REN: variants seen among roughly 807,000 people sequenced by gnomAD.
REN encodes angiotensin-forming enzyme.
Under a neutral mutation model 48.6 loss-of-function variants are expected in REN, and 42 were observed. That is an observed-to-expected ratio of 0.86 (90% CI 0.68 to 1.12). REN has a LOEUF of 1.12. Among genes scored for constraint, REN ranks in the 50% most tolerant of loss-of-function variants. REN has a pLI of 0.00. For missense variants in REN, 443 were observed against 527.3 expected (o/e 0.84, Z 1.57); for synonymous variants, 196 against 204.6 (o/e 0.96, Z 0.36).
chr1:204,160,189 T>G (rs1339280931), intron 4 of REN, among the ~76,000 whole-genome samples: 1 of 152,162 alleles, frequency 6.6e-6, no homozygotes, highest in Non-Finnish European at 1.5e-5. Flanking sequence ...CCTTAAAACC[T>G]ATGCCTGACC....
chr1:204,163,343 A>G (rs1658283593), intron 1 of REN, among the ~76,000 whole-genome samples: 1 of 152,204 alleles, frequency 6.6e-6, no homozygotes, highest in African/African-American at 2.4e-5. Context: ...TGGTATTGTA[A>G]CAGAAATGAT....
At chr1:204,158,333 T>G (rs1658186540) in intron 5 of REN, among the ~76,000 whole-genome samples, 1 of 152,074 alleles carries the variant, frequency 6.6e-6, no homozygotes, top group Non-Finnish European at 1.5e-5. Context: ...TCCTCTCCAT[T>G]TTACTGTGAG....
At position 204,156,908 on chromosome 1, in the gene REN, A is replaced by C; in HGVS notation, c.699-112T>G. ...AGGGGAGGACAGAGGGCTCTAGAGC[A>C]GAGGAATGTGGGACAGACAGCCAGG... is the stretch of plus-strand genomic sequence containing the variant. On this transcript the variant is annotated intron_variant, in intron 6 of 9. Transcript: ENST00000272190. The surrounding 1 kb of genome is among the most constrained non-coding windows in gnomAD (Gnocchi z 4.2). 1 of 1,370,014 alleles carries C rather than the reference A, an allele frequency of 7.3e-7. No individual in the cohort carries two copies. Among genetic ancestry groups the C allele is most frequent in the South Asian group, 1.2e-5 (1 of 85,860 alleles). The allele number at this position is 1,370,014 out of a possible 1,614,324, so 84.9% of individuals were successfully genotyped here.
chr1:204,161,239 T>A, intron 3 of REN, 53 bp downstream of exon 3: 8 of 1,539,452 alleles, frequency 5.2e-6, no homozygotes. Context: ...GGATTGCTCA[T>A]GCACAGTAGG....
At chr1:204,163,088 C>A (rs969052519) in intron 1 of REN, among the ~76,000 whole-genome samples, 2 of 152,220 alleles carry the variant, frequency 1.3e-5, no homozygotes, top group Non-Finnish European at 2.9e-5. Flanking sequence ...ATAAAGGCTG[C>A]CAAAGCCCAG....
intron 3 of REN, 39 bp downstream of exon 3, chr1:204,161,253 G>A: frequency 6.4e-7 from 1 of 1,562,304 alleles, no homozygotes; most frequent in Middle Eastern, 1.7e-4. Context: ...CAGTAGGGCA[G>A]GGGGATGGAG....
intron 1 of REN, among the ~76,000 whole-genome samples, chr1:204,164,695 C>T (rs185515286): frequency 8.6e-5 from 13 of 151,540 alleles, no homozygotes; most frequent in East Asian, 3.9e-4. Flanking sequence ...CTCAGCCTCC[C>T]GAGTAGCTGG....
intron 9 of REN, 80 bp from the exon 10 acceptor site, chr1:204,155,257 C>T: frequency 6.6e-7 from 1 of 1,523,338 alleles, no homozygotes; most frequent in Non-Finnish European, 9.1e-7. Flanking sequence ...CAGCAACTGT[C>T]TTCAGCAACA....
intron 1 of REN, among the ~76,000 whole-genome samples, chr1:204,165,525 A>G (rs540875437): frequency 6.6e-6 from 1 of 152,204 alleles, no homozygotes; most frequent in African/African-American, 2.4e-5. Flanking sequence ...CTAACTCTAT[A>G]AGCCTTGCAT....
rs1219073348 is a variant in REN at position 204,157,387 on chromosome 1, C to T, written c.690-18G>A. The T allele has an allele frequency of 6.2e-7, 1 of 1,614,236 alleles. No individual in the cohort carries two copies. Among genetic ancestry groups the T allele is most frequent in the South Asian group, 1.1e-5 (1 of 91,088 alleles). On this transcript the variant is annotated intron_variant, in intron 5 of 9. Transcript: ENST00000272190. ...CGGAATCTCTGCAGAGAAAGAGAGA[C>T]AGCAGAAAGGAAGCTTCATTTCATG...
Position 204,160,613 on chromosome 1 carries a change from G to T in REN, c.439C>A (p.Leu147Ile), listed in dbSNP as rs1658227171. The T allele has an allele frequency of 1.2e-6, 2 of 1,614,118 alleles. No homozygotes were observed. The highest frequency in any genetic ancestry group is 1.7e-6 in the Non-Finnish European group (2 of 1,180,024). Residue 147 changes from leucine (L) to isoleucine (I), a missense_variant, in exon 4 of 10, where the codon CTC becomes ATC. Physicochemically the swap from Leu to Ile is conservative, Grantham distance 5 (BLOSUM62 2). Coordinates refer to ENST00000272190, the MANE Select transcript of REN (RefSeq NM_000537.4). ...CTGACTGTCCCTGTTGAATAGCGGAGGGTGAGTTCTGTTCCATTGTGCTTG... is the reference window on the plus strand; with the variant it reads ...CTGACTGTCCCTGTTGAATAGCGGATGGTGAGTTCTGTTCCATTGTGCTTG... ...SYKHNGTELT[L>I]RYSTGTVSGF... is the part of the protein sequence containing the mutation.
At chr1:204,157,411 TG>T (rs778022465) in intron 5 of REN, 42 bp from the exon 6 acceptor site, 52 of 1,614,046 alleles carry the variant, frequency 3.2e-5, no homozygotes, top group Non-Finnish European at 4.1e-5. Context: ...CTTCATTTCA[TG>T]CCAGCCTCAT....
At chr1:204,155,278 C>T (rs1658128738) in intron 9 of REN, 101 bp from the exon 10 acceptor site, 5 of 1,381,936 alleles carry the variant, frequency 3.6e-6, no homozygotes, top group South Asian at 3.6e-5. Context: ...TTCCCCCTCT[C>T]GCCCCCATCT....
chr1:204,162,678 G>A (rs561952177), intron 1 of REN, among the ~76,000 whole-genome samples: 17 of 152,312 alleles, frequency 1.1e-4, no homozygotes, highest in South Asian at 6.2e-4. Context: ...CCGCTAGGTG[G>A]CAGCAGATGC....
intron 4 of REN, among the ~76,000 whole-genome samples, chr1:204,160,194 C>T (rs1464473580): frequency 1.3e-5 from 2 of 152,220 alleles, no homozygotes; most frequent in Admixed American, 1.3e-4. Flanking sequence ...AAACCTATGC[C>T]TGACCCTAAA....
intron 1 of REN, among the ~76,000 whole-genome samples, chr1:204,164,812 C>T (rs1658315383): frequency 6.6e-6 from 1 of 151,976 alleles, no homozygotes; most frequent in Non-Finnish European, 1.5e-5. Context: ...AAGCGATCTG[C>T]CCACCTCAGC....
chr1:204,164,944 T>C (rs1386979896), intron 1 of REN, among the ~76,000 whole-genome samples: 1 of 151,972 alleles, frequency 6.6e-6, no homozygotes, highest in Admixed American at 6.6e-5. Context: ...CTCCTTCTAA[T>C]TGTGGGCTAC....
intron 9 of REN, 34 bp downstream of exon 9, chr1:204,155,786 T>A (rs1658135792): frequency 6.7e-7 from 1 of 1,495,856 alleles, no homozygotes; most frequent in African/African-American, 1.4e-5. Context: ...CCAGCCTTTC[T>A]CCCTGCCACC....
At position 204,154,876 on chromosome 1, in the gene REN, G is replaced by T. The variant is rs986532342; in HGVS notation, c.*140C>A. 12 of 933,090 alleles carry T rather than the reference G, an allele frequency of 1.3e-5. No individual in the cohort carries two copies. Among genetic ancestry groups the T allele is most frequent in the Non-Finnish European group, 2.0e-5 (12 of 596,100 alleles). 57.8% of individuals were successfully genotyped at this position (933,090 alleles called of 1,614,324 possible). A position where few individuals can be genotyped will look rare whatever the true frequency, so the allele number is the denominator to read the frequency against. ...CAAAGCAGGGAAGGGCTGGTGCAGG[G>T]GTCAGGGCACGCATCCAGCAGGAGC... On this transcript the variant is annotated 3_prime_UTR_variant, in exon 10 of 10. Transcript: ENST00000272190.
Sources: gnomAD v4.1 joint callset for allele counts (sites outside exome capture counted in the v4.1 genomes callset) on GRCh38, gnomAD v4.1.1 for gene constraint, Gnocchi (gnomAD v3.1) non-coding constraint, MANE v1.5 for transcripts, NCBI Gene and HGNC (gene_info 2026-07-23, HGNC 2026-07-21) for gene names.